Variants in FRYL observed in about 807,000 individuals in gnomAD.
FRYL encodes the protein FRY like transcription coactivator, also known as protein furry homolog-like.
In FRYL, 150 loss-of-function variants were observed where a neutral mutation model predicts 351.2. That is an observed-to-expected ratio of 0.43 (90% CI 0.37 to 0.49). The LOEUF (loss-of-function observed/expected upper bound fraction) is 0.49. Ranked by LOEUF, FRYL falls within the 20% of genes least tolerant of loss-of-function variation. The probability of loss-of-function intolerance (pLI) is 0.00; values close to 1 mark genes in which losing one functional copy is unlikely to be tolerated. For missense variants in FRYL, 3,036 were observed against 3,619.3 expected (o/e 0.84, Z 4.13); for synonymous variants, 1,153 against 1,257.1 (o/e 0.92, Z 1.75).
chr4:48,676,389 C>T (rs1763681024), intron 3 of FRYL, among the ~76,000 whole-genome samples: 1 of 152,156 alleles, frequency 6.6e-6, no homozygotes, highest in African/African-American at 2.4e-5. Flanking sequence ...AAGGGACAGA[C>T]TCCAGACGCA....
rs372679409 is a variant in FRYL, at chr4:48,539,960, C to G, written c.6393+11G>C. 6.7e-5 allele frequency: 107 copies of G among 1,589,742 alleles called. No homozygotes were observed. The Middle Eastern group carries it at 1.2e-3, about 17-fold the overall frequency. On this transcript the variant is annotated intron_variant, in intron 47 of 63. Coordinates refer to ENST00000358350, the MANE Select transcript of FRYL (RefSeq NM_015030.2). The stretch of plus-strand genomic sequence containing the variant: ...CCTATAGTGTTACCTTTCAGCATAA[C>G]ATTTGCTTACCTTTGCTATTCGACT...
At chr4:48,666,931 T>C (rs560521911) in intron 3 of FRYL, among the ~76,000 whole-genome samples, 7 of 152,292 alleles carry the variant, frequency 4.6e-5, no homozygotes, top group African/African-American at 1.7e-4. Context: ...TAGGTAAGAT[T>C]ACTATGATTT....
At chr4:48,527,383 A>G (rs1726492430) in intron 53 of FRYL, 94 bp downstream of exon 53, 1 of 993,064 alleles carries the variant, frequency 1.0e-6, no homozygotes, top group African/African-American at 1.6e-5. Context: ...TTTTGACCTT[A>G]CACTGACCTC....
At chr4:48,746,477 G>A (rs533525130) in intron 1 of FRYL, among the ~76,000 whole-genome samples, 3 of 150,328 alleles carry the variant, frequency 2.0e-5, no homozygotes, top group East Asian at 2.0e-4. Flanking sequence ...CCCGGGAGGC[G>A]GAGCTTGCAG....
Position 48,624,334 on chromosome 4 carries a change from T to C in FRYL, c.121-1155A>G, listed in dbSNP as rs193129191. On this transcript the variant is annotated intron_variant, in intron 4 of 63. Coordinates refer to ENST00000358350, the MANE Select transcript of FRYL (RefSeq NM_015030.2). The stretch of plus-strand genomic sequence containing the variant: ...TAATATCTACAAAACACAGAAGACG[T>C]GGTGGGACTCACTGTGGAAAGCTAA... Among the ~76,000 whole-genome samples the C allele has an allele frequency of 1.4e-3, 212 of 152,070 alleles. 1 individual carries two copies. The highest frequency in any genetic ancestry group is 5.0e-3 in the African/African-American group (207 of 41,496).
intron 36 of FRYL, 41 bp downstream of exon 36, chr4:48,553,174 C>G (rs1250919636): frequency 6.5e-7 from 1 of 1,531,142 alleles, no homozygotes; most frequent in Non-Finnish European, 9.0e-7. Context: ...ATGAAGATGT[C>G]TATCATCTCA....
At chr4:48,730,661 C>A (rs1348512846) in intron 1 of FRYL, among the ~76,000 whole-genome samples, 1 of 152,150 alleles carries the variant, frequency 6.6e-6, no homozygotes, top group Admixed American at 6.5e-5. Context: ...AAATAAAATC[C>A]TTTACAGACA....
At chr4:48,672,344 T>C (rs1242663133) in intron 3 of FRYL, among the ~76,000 whole-genome samples, 5 of 152,174 alleles carry the variant, frequency 3.3e-5, no homozygotes, top group Non-Finnish European at 5.9e-5. Context: ...ATTCCCAATA[T>C]TCCTCCTTTG....
intron 56 of FRYL, among the ~76,000 whole-genome samples, chr4:48,514,560 C>T (rs1723160380): frequency 6.6e-6 from 1 of 152,166 alleles, no homozygotes; most frequent in Non-Finnish European, 1.5e-5. Flanking sequence ...AGCAATCTAG[C>T]ATCTAAGAAA....
chr4:48,657,437 G>A (rs1486997355), intron 3 of FRYL, among the ~76,000 whole-genome samples: 2 of 145,470 alleles, frequency 1.4e-5, no homozygotes, highest in South Asian at 2.1e-4. Context: ...CGCAAAGAAC[G>A]ATACTGCTAT....
At chr4:48,507,022 A>G (rs1371554617) in intron 59 of FRYL, among the ~76,000 whole-genome samples, 1 of 152,198 alleles carries the variant, frequency 6.6e-6, no homozygotes, top group African/African-American at 2.4e-5. Flanking sequence ...GAACCTGTGC[A>G]TTAATCTTTA....
intron 33 of FRYL, among the ~76,000 whole-genome samples, chr4:48,559,433 T>C (rs6823351): frequency 0.98 from 142,969 of 145,236 alleles, 70,401 homozygotes; most frequent in East Asian, 1. Context: ...GTGGCTCATG[T>C]CTGTAATCCT....
chr4:48,654,394 TCTCTCCAC>T lies in FRYL; in HGVS notation c.-80-19912_-80-19905del, dbSNP rs568144151. 2.1e-3 allele frequency among the ~76,000 whole-genome samples: 312 copies of T among 151,692 alleles called. 1 individual carries two copies. Among genetic ancestry groups the T allele is most frequent in the Non-Finnish European group, 3.3e-3 (223 of 67,910 alleles). ...CCTCTAGGTTATTTTAGTAGTAAAT[TCTCTCCAC>T]CTCTCTACACACCCAGGCAGTAAGC... On this transcript the variant is annotated intron_variant, in intron 3 of 63. Coordinates refer to ENST00000358350, the MANE Select transcript of FRYL (RefSeq NM_015030.2).
In FRYL at chr4:48,575,234, C is replaced by T; in HGVS notation, c.2729G>A (p.Gly910Asp). 1 of 1,612,488 alleles carries T rather than the reference C, an allele frequency of 6.2e-7. No individual in the cohort carries two copies. Among genetic ancestry groups the T allele is most frequent in the Non-Finnish European group, 8.5e-7 (1 of 1,179,186 alleles). Reference sequence around the variant, plus strand: ...AAACAAGGATGAAGGGGATGGGATGCCAATAATCTGGAAAAAAAATATCGT... The same window carrying T: ...AAACAAGGATGAAGGGGATGGGATGTCAATAATCTGGAAAAAAAATATCGT... ...SGYSIDSKII[G>D]IPSPSSLFKH... is the part of the protein sequence containing the mutation. Residue 910 changes from glycine (G) to aspartate (D), a missense_variant, in exon 25 of 64, where the codon GGC (glycine) becomes GAC (aspartate). Gly to Asp is a moderately conservative substitution (Grantham distance 94). Coordinates refer to ENST00000358350, the MANE Select transcript of FRYL (RefSeq NM_015030.2).
intron 3 of FRYL, among the ~76,000 whole-genome samples, chr4:48,657,272 G>A (rs1230875843): frequency 6.6e-6 from 1 of 151,664 alleles, no homozygotes; most frequent in Non-Finnish European, 1.5e-5. Flanking sequence ...CTGGGATCAA[G>A]CCATCCTCCC....
intron 4 of FRYL, among the ~76,000 whole-genome samples, chr4:48,632,931 T>C (rs1440586795): frequency 6.6e-6 from 1 of 152,206 alleles, no homozygotes; most frequent in Non-Finnish European, 1.5e-5. Flanking sequence ...TATAACAGGC[T>C]GAGTAAGCAC....
intron 51 of FRYL, 57 bp downstream of exon 51, chr4:48,528,118 A>G: frequency 3.8e-6 from 6 of 1,570,106 alleles, no homozygotes; most frequent in Admixed American, 1.8e-5. Flanking sequence ...TTTCATACCT[A>G]TAACAAAACT....
chr4:48,551,649 C>A, intron 36 of FRYL, 71 bp from the exon 37 acceptor site: 1 of 907,948 alleles, frequency 1.1e-6, no homozygotes, highest in Non-Finnish European at 1.8e-6. Context: ...CAAAAGATCT[C>A]AAATTATAGA....
At chr4:48,593,165 T>G (rs751958804) in intron 16 of FRYL, among the ~76,000 whole-genome samples, 4 of 150,290 alleles carry the variant, frequency 2.7e-5, no homozygotes, top group African/African-American at 4.9e-5. Context: ...CTATAACACC[T>G]AGAACAGTGC....
Sources: gnomAD v4.1 joint callset for allele counts (sites outside exome capture counted in the v4.1 genomes callset) on GRCh38, gnomAD v4.1.1 for gene constraint, MANE v1.5 for transcripts, NCBI Gene and HGNC (gene_info 2026-07-23, HGNC 2026-07-21) for gene names.